The following GGT7 variants were observed in gnomAD, a reference collection of about 807,000 sequenced individuals.
GGT7 encodes the protein gamma-glutamyltransferase 7.
A neutral mutation model predicts 69.2 loss-of-function variants in GGT7; 30 were observed. The ratio of observed to expected loss-of-function variants is 0.43; its 90% CI spans 0.32 to 0.59. The LOEUF (loss-of-function observed/expected upper bound fraction) is 0.59, where lower values mean the gene tolerates loss of function less well. GGT7 is among the 20% of genes least tolerant of loss of function. GGT7 has a pLI of 0.05. For missense variants in GGT7, 733 were observed against 901.1 expected (o/e 0.81, Z 2.39); for synonymous variants, 388 against 391.8 (o/e 0.99, Z 0.12).
chr20:34,856,531 T>A (rs928832316), intron 8 of GGT7, among the ~76,000 whole-genome samples: 1 of 152,118 alleles, frequency 6.6e-6, no homozygotes, highest in African/African-American at 2.4e-5. Flanking sequence ...AGAGCCCAAA[T>A]CAAGAAAACC....
intron 8 of GGT7, among the ~76,000 whole-genome samples, chr20:34,855,529 C>G (rs895922034): frequency 1.3e-4 from 20 of 152,294 alleles, no homozygotes; most frequent in East Asian, 1.9e-4. Flanking sequence ...ACTCAAGGTA[C>G]TAGCATTGTT....
chr20:34,857,018 G>A lies in GGT7; in HGVS notation c.1015-125C>T, dbSNP rs547913277. Reference sequence around the variant, plus strand: ...TTCTGTGCCTTCTGCAACCCCCATCGTGGCCTTTAGAGACCCCATTATCCC... The same window carrying A: ...TTCTGTGCCTTCTGCAACCCCCATCATGGCCTTTAGAGACCCCATTATCCC... On this transcript the variant is annotated intron_variant, in intron 7 of 14. Coordinates refer to ENST00000336431, the MANE Select transcript of GGT7 (RefSeq NM_178026.3). The A allele has an allele frequency of 7.9e-5, 55 of 698,402 alleles. No individual in the cohort carries two copies. The African/African-American group carries it at 8.1e-4, about 10-fold the overall frequency. The allele number at this position is 698,402 out of a possible 1,614,324, so 43.3% of individuals were successfully genotyped here. A position where few individuals can be genotyped will look rare whatever the true frequency, so the allele number is the denominator to read the frequency against.
chr20:34,861,395 GC>G (rs112789855), intron 4 of GGT7, 49 bp downstream of exon 4: 54,410 of 845,690 alleles, frequency 0.064, 1,919 homozygotes, highest in South Asian at 0.071. Flanking sequence ...TAGCAGAAGG[GC>G]AATGAAGAGA....
At position 34,852,941 on chromosome 20, in the gene GGT7, T is replaced by C. The variant is rs187992588; in HGVS notation, c.1320-403A>G. 1.4e-3 allele frequency among the ~76,000 whole-genome samples: 200 copies of C among 142,882 alleles called. 2 individuals carry two copies. The highest frequency in any genetic ancestry group is 4.7e-3 in the African/African-American group (193 of 41,330). 93.7% of individuals were successfully genotyped at this position (142,882 alleles called of 152,430 possible). ...AGTTTAGTTGGGGGAGGATTTTGTATATGAGGATTTTTTTTTTCTTCCTAA... is the reference window on the plus strand; with the variant it reads ...AGTTTAGTTGGGGGAGGATTTTGTACATGAGGATTTTTTTTTTCTTCCTAA... On this transcript the variant is annotated intron_variant, in intron 10 of 14. Coordinates refer to ENST00000336431, the MANE Select transcript of GGT7 (RefSeq NM_178026.3).
Position 34,852,514 on chromosome 20 carries a change from C to T in GGT7, c.1344G>A (p.Arg448=). The T allele has an allele frequency of 6.3e-7, 1 of 1,588,770 alleles. No individual in the cohort carries two copies. The highest frequency in any genetic ancestry group is 8.6e-7 in the Non-Finnish European group (1 of 1,168,226). ...CTGCCTGGGAGTCATTGATATGGCC[C>T]CGGAGGTAGGCGGCCTCCACCTTGC... The part of the protein sequence containing the change: ...MLSKVEAAYL[R]GHINDSQAAP... The change falls in exon 11 of 15, where the codon CGG becomes CGA. Residue 448 remains arginine, a synonymous_variant. Transcript: ENST00000336431.
At chr20:34,853,227 G>A (rs2146893316) in intron 10 of GGT7, among the ~76,000 whole-genome samples, 1 of 152,240 alleles carries the variant, frequency 6.6e-6, no homozygotes, top group African/African-American at 2.4e-5. Flanking sequence ...TTACAGGCAT[G>A]AGCCACCACA....
chr20:34,863,467 G>C lies in GGT7; in HGVS notation c.251C>G (p.Pro84Arg). 1 of 1,610,622 alleles carries C rather than the reference G, an allele frequency of 6.2e-7. No individual in the cohort carries two copies. Among genetic ancestry groups the C allele is most frequent in the African/African-American group, 1.3e-5 (1 of 75,006 alleles). The stretch of plus-strand genomic sequence containing the variant: ...CGGGTCTTTGCGCGTCTCGCGTAGC[G>C]GCGACCCGTCTTGGCTGCCCATCTC... Reference protein sequence around the residue: ...SSEMGSQDGSPLRETRKDPFS... With the variant: ...SSEMGSQDGSRLRETRKDPFS... The change falls in exon 2 of 15, where the codon CCG (proline) becomes CGG (arginine). Residue 84 changes from proline to arginine, a missense_variant. Pro to Arg is a moderately radical substitution (Grantham distance 103, BLOSUM62 -2). Transcript: ENST00000336431. This position sits in a 1 kb window ranked among gnomAD's most constrained non-coding sequence, Gnocchi z 4.4.
chr20:34,860,172 G>T, intron 5 of GGT7, 82 bp downstream of exon 5: 1 of 1,128,502 alleles, frequency 8.9e-7, no homozygotes, highest in Non-Finnish European at 1.4e-6. Context: ...GTTGGGAAAG[G>T]AAGAATCCAG....
intron 6 of GGT7, 37 bp from the exon 7 acceptor site, chr20:34,859,676 G>A (rs774284899): frequency 1.5e-5 from 22 of 1,506,208 alleles, no homozygotes; most frequent in African/African-American, 2.7e-5. Context: ...AGGGCGGGAC[G>A]CCAGGACTGG....
intron 8 of GGT7, among the ~76,000 whole-genome samples, chr20:34,855,637 G>A (rs1473405594): frequency 6.6e-6 from 1 of 152,148 alleles, no homozygotes; most frequent in Non-Finnish European, 1.5e-5. Context: ...ATCCTTATGG[G>A]CATCCTAAGA....
Position 34,852,141 on chromosome 20 carries a change from G to C in GGT7, c.1587+14C>G. Reference sequence around the variant, plus strand: ...GCCTCAGGGTCCCCAGGAAAGCAGGGAAGCAAATCCTACCAGGCTGGGTGC... The same window carrying C: ...GCCTCAGGGTCCCCAGGAAAGCAGGCAAGCAAATCCTACCAGGCTGGGTGC... On this transcript the variant is annotated intron_variant, in intron 12 of 14. Coordinates refer to ENST00000336431, the MANE Select transcript of GGT7 (RefSeq NM_178026.3). 6.5e-7 allele frequency: 1 copy of C among 1,530,904 alleles called. No individual in the cohort carries two copies. The highest frequency in any genetic ancestry group is 9.1e-7 in the Non-Finnish European group (1 of 1,104,014). 94.8% of individuals were successfully genotyped at this position (1,530,904 alleles called of 1,614,324 possible). A position where few individuals can be genotyped will look rare whatever the true frequency, so the allele number is the denominator to read the frequency against.
At position 34,852,160 on chromosome 20, in the gene GGT7, T is replaced by G; in HGVS notation, c.1582A>C (p.Ser528Arg). The G allele has an allele frequency of 6.2e-7, 1 of 1,601,962 alleles. No homozygotes were observed. Among genetic ancestry groups the G allele is most frequent in the Non-Finnish European group, 8.6e-7 (1 of 1,168,832 alleles). Residue 528 changes from serine (S) to arginine (R), a missense_variant, in exon 12 of 15, where the codon AGC becomes CGC. Physicochemically the swap from Ser to Arg is moderately radical, Grantham distance 110 (BLOSUM62 -1). Coordinates refer to ENST00000336431, the MANE Select transcript of GGT7 (RefSeq NM_178026.3). Reference sequence around the variant, plus strand: ...AGCAGGGAAGCAAATCCTACCAGGCTGGGTGCAGAGTGGTTAGCTGTCCGG... The same window carrying G: ...AGCAGGGAAGCAAATCCTACCAGGCGGGGTGCAGAGTGGTTAGCTGTCCGG... ...PNRTANHSAPSLENSVQPGKR... is the reference protein window; with the variant it reads ...PNRTANHSAPRLENSVQPGKR...
Position 34,862,835 on chromosome 20 carries a change from G to A in GGT7, c.536C>T (p.Pro179Leu). 6.2e-7 allele frequency: 1 copy of A among 1,614,150 alleles called. No individual in the cohort carries two copies. Among genetic ancestry groups the A allele is most frequent in the East Asian group, 2.2e-5 (1 of 44,872 alleles). The change falls in exon 3 of 15, where the codon CCA becomes CTA. Residue 179 changes from proline to leucine, a missense_variant. Transcript: ENST00000336431. ...TTACCCGCCCAGGCCAGAACTGTGTGGAGCCACGATACCCAAACACAAGGC... is the reference window on the plus strand; with the variant it reads ...TTACCCGCCCAGGCCAGAACTGTGTAGAGCCACGATACCCAAACACAAGGC... ...AAALCLGIVA[P>L]HSSGLGGGGV... is the part of the protein sequence containing the mutation.
chr20:34,853,561 CA>C (rs200997506), intron 10 of GGT7, among the ~76,000 whole-genome samples: 5,804 of 112,370 alleles, frequency 0.052, 289 homozygotes, highest in African/African-American at 0.17. Context: ...GACTCCATCT[CA>C]AAAAAAAAAA....
intron 6 of GGT7, among the ~76,000 whole-genome samples, 160 bp from the exon 7 acceptor site, chr20:34,859,799 C>A (rs1221671490): frequency 6.6e-6 from 1 of 152,150 alleles, no homozygotes; most frequent in African/African-American, 2.4e-5. Flanking sequence ...AGGGCCCTTC[C>A]CAGACCCCCT....
At chr20:34,859,380 A>G in intron 7 of GGT7, 63 bp downstream of exon 7, 1 of 1,299,018 alleles carries the variant, frequency 7.7e-7, no homozygotes, top group Admixed American at 2.4e-5. Flanking sequence ...AAAAATGCGG[A>G]CGCGGATGTC....
intron 13 of GGT7, chr20:34,850,664 A>T: frequency 2.8e-6 from 1 of 351,914 alleles, no homozygotes; most frequent in Non-Finnish European, 5.6e-6. Context: ...TTAAAGATGA[A>T]GAGACTGAGG....
At position 34,854,570 on chromosome 20, in the gene GGT7, T is replaced by G. The variant is rs775696789; in HGVS notation, c.1280A>C (p.Tyr427Ser). 3.7e-5 allele frequency: 60 copies of G among 1,613,174 alleles called. No individual in the cohort carries two copies. Among genetic ancestry groups the G allele is most frequent in the Non-Finnish European group, 4.8e-5 (57 of 1,179,290 alleles). The part of the protein sequence containing the change: ...ALASRLGDPV[Y>S]DSTITESMDD... The stretch of plus-strand genomic sequence containing the variant: ...CATGCTCTCAGTGATGGTAGAATCA[T>G]AGACGGGATCTCCCAGTCTGCTGGC... The change falls in exon 10 of 15, where the codon TAT becomes TCT. Residue 427 changes from tyrosine to serine, a missense_variant. Physicochemically the swap from Tyr to Ser is moderately radical, Grantham distance 144 (BLOSUM62 -2). Transcript: ENST00000336431.
Position 34,863,813 on chromosome 20 carries a change from T to G in GGT7, c.170-265A>C. On this transcript the variant is annotated intron_variant, in intron 1 of 14. Transcript: ENST00000336431. The surrounding 1 kb of genome is among the most constrained non-coding windows in gnomAD (Gnocchi z 4.4). Reference sequence around the variant, plus strand: ...TCCCTGATACCTAGGCCAAATTTCCTGGCACCCAGGGCCCAGGGCTGAGAA... The same window carrying G: ...TCCCTGATACCTAGGCCAAATTTCCGGGCACCCAGGGCCCAGGGCTGAGAA... The G allele has an allele frequency of 3.0e-6, 2 of 662,820 alleles. No individual in the cohort carries two copies. 41.1% of individuals were successfully genotyped at this position (662,820 alleles called of 1,614,324 possible).
Sources: allele counts gnomAD v4.1 joint callset (sites outside exome capture counted in the v4.1 genomes callset), GRCh38; gene constraint gnomAD v4.1.1; non-coding constraint Gnocchi (gnomAD v3.1); transcripts MANE v1.5; gene names NCBI Gene and HGNC (gene_info 2026-07-23, HGNC 2026-07-21).